The following VAV3 variants were observed in gnomAD, a reference collection of about 807,000 sequenced individuals.
VAV3 encodes the protein guanine nucleotide exchange factor VAV3.
In VAV3, 94 loss-of-function variants were observed where a neutral mutation model predicts 131.2. That is an observed-to-expected ratio of 0.72 (90% CI 0.61 to 0.85). The LOEUF (loss-of-function observed/expected upper bound fraction) is 0.85, where lower values mean the gene tolerates loss of function less well. Ranked by LOEUF, VAV3 falls within the 40% of genes least tolerant of loss-of-function variation. The pLI, the probability that VAV3 is intolerant of heterozygous loss-of-function variation, is 0.00. For missense variants in VAV3, 939 were observed against 1,002.7 expected (o/e 0.94, Z 0.86); for synonymous variants, 349 against 342.0 (o/e 1.02, Z -0.22).
In VAV3 at chr1:107,704,989, T is replaced by C. The variant is rs779555413; in HGVS notation, c.1575A>G (p.Thr525=). Residue 525 remains threonine (T), a synonymous_variant, in exon 16 of 27, where the codon ACA becomes ACG. Transcript: ENST00000370056. ...DFKMHTFTRV[T]SCKVCQMLLR... is the part of the protein sequence containing the mutation. ...GGAGCATCTGGCAGACTTTGCAGGA[T>C]GTGACTCGAGTGAAGGTATGCATCT... is the stretch of plus-strand genomic sequence containing the variant. 1 of 1,613,954 alleles carries C rather than the reference T, an allele frequency of 6.2e-7. No homozygotes were observed.
At chr1:107,895,438 A>C (rs939282666) in intron 1 of VAV3, among the ~76,000 whole-genome samples, 4 of 152,200 alleles carry the variant, frequency 2.6e-5, no homozygotes, top group Non-Finnish European at 4.4e-5. Context: ...ACTCTGTCAG[A>C]CACTATCCTA....
intron 10 of VAV3, among the ~76,000 whole-genome samples, chr1:107,757,547 C>T (rs570413653): frequency 6.6e-6 from 1 of 152,142 alleles, no homozygotes; most frequent in Non-Finnish European, 1.5e-5. Flanking sequence ...ATTTTCTTTT[C>T]AAAGATGAAT....
intron 2 of VAV3, among the ~76,000 whole-genome samples, chr1:107,872,664 T>C (rs940313997): frequency 1.3e-5 from 2 of 152,200 alleles, no homozygotes; most frequent in African/African-American, 4.8e-5. Flanking sequence ...ATTGATGCGC[T>C]GATTCCCTCA....
chr1:107,963,725 T>C (rs1223979056), intron 1 of VAV3: 2 of 151,594 alleles, frequency 1.3e-5, no homozygotes, highest in African/African-American at 4.9e-5. Context: ...CCTCTCCCTT[T>C]TAAGTTGAAA....
rs869175769 is a variant in VAV3 at position 107,757,187 on chromosome 1, G to GTGTA, written c.1086+73_1086+74insTACA. Reference sequence around the variant, plus strand: ...TGTGTGTGTGTGTGTGTGTGTGTGTGTATGCAATTTGAATTCCATTGTCTT... The same window carrying GTGTA: ...TGTGTGTGTGTGTGTGTGTGTGTGTGTGTATATGCAATTTGAATTCCATTGTCTT... On this transcript the variant is annotated intron_variant, in intron 11 of 26. Transcript: ENST00000370056. 6.6e-3 allele frequency: 5,364 copies of GTGTA among 812,892 alleles called. 12 individuals are homozygous for GTGTA. Among genetic ancestry groups the GTGTA allele is most frequent in the South Asian group, 0.015 (920 of 61,828 alleles). The allele number at this position is 812,892 out of a possible 1,614,324, so 50.4% of individuals were successfully genotyped here.
chr1:107,851,830 T>C (rs1413365328), intron 2 of VAV3, among the ~76,000 whole-genome samples: 1 of 152,232 alleles, frequency 6.6e-6, no homozygotes, highest in African/African-American at 2.4e-5. Flanking sequence ...CGATTCAGTA[T>C]AGCGCCTTGT....
intron 1 of VAV3, among the ~76,000 whole-genome samples, chr1:107,913,952 G>A (rs754900681): frequency 8.5e-5 from 13 of 152,126 alleles, no homozygotes; most frequent in East Asian, 1.9e-4. Context: ...CTGCCACCAC[G>A]CCCAGCTAAT....
intron 2 of VAV3, among the ~76,000 whole-genome samples, chr1:107,867,041 G>A (rs1316586793): frequency 6.6e-6 from 1 of 152,056 alleles, no homozygotes; most frequent in Non-Finnish European, 1.5e-5. Context: ...AAATTCTGGA[G>A]TAAACAAAAG....
At chr1:107,855,087 G>A (rs1383311217) in intron 2 of VAV3, among the ~76,000 whole-genome samples, 1 of 152,104 alleles carries the variant, frequency 6.6e-6, no homozygotes, top group Non-Finnish European at 1.5e-5. Flanking sequence ...TCTGGGAATG[G>A]TACACATTAC....
chr1:107,859,081 T>C (rs971001138), intron 2 of VAV3, among the ~76,000 whole-genome samples: 3 of 151,722 alleles, frequency 2.0e-5, no homozygotes, highest in South Asian at 2.1e-4. Context: ...GAGTTTTTTT[T>C]TTTTTTTCAT....
At chr1:107,640,091 G>A (rs1180026964) in intron 20 of VAV3, among the ~76,000 whole-genome samples, 1 of 152,058 alleles carries the variant, frequency 6.6e-6, no homozygotes, top group African/African-American at 2.4e-5. Flanking sequence ...ATCTACATAT[G>A]ATCTATATAT....
At chr1:107,807,838 C>T (rs1667131083) in intron 2 of VAV3, among the ~76,000 whole-genome samples, 2 of 152,110 alleles carry the variant, frequency 1.3e-5, no homozygotes, top group Non-Finnish European at 2.9e-5. Context: ...GCAGTGAAGG[C>T]AGCAATATGT....
intron 19 of VAV3, among the ~76,000 whole-genome samples, chr1:107,656,845 G>A (rs1656600492): frequency 2.0e-5 from 3 of 150,264 alleles, no homozygotes; most frequent in African/African-American, 7.3e-5. Context: ...TAGAAAAAGA[G>A]TAAACATTAC....
chr1:107,829,276 G>T (rs1668143927), intron 2 of VAV3, among the ~76,000 whole-genome samples: 1 of 152,124 alleles, frequency 6.6e-6, no homozygotes, highest in Non-Finnish European at 1.5e-5. Context: ...CTCACTGTAT[G>T]ATATTGTTAA....
At chr1:107,704,768 G>A (rs1660340921) in intron 16 of VAV3, 118 bp from the exon 17 acceptor site, 1 of 979,856 alleles carries the variant, frequency 1.0e-6, no homozygotes, top group African/African-American at 1.6e-5. Context: ...CCCCTTGGTA[G>A]AGGGAGACGA....
At chr1:107,951,272 C>T (rs1674519448) in intron 1 of VAV3, among the ~76,000 whole-genome samples, 1 of 152,158 alleles carries the variant, frequency 6.6e-6, no homozygotes, top group Non-Finnish European at 1.5e-5. Context: ...TCATCTCTCT[C>T]ACCCAGCTGC....
At chr1:107,695,810 G>C (rs1053848646) in intron 17 of VAV3, among the ~76,000 whole-genome samples, 2 of 152,144 alleles carry the variant, frequency 1.3e-5, no homozygotes, top group Admixed American at 1.3e-4. Flanking sequence ...TTAAATGAAA[G>C]AGAAAGGTCA....
intron 4 of VAV3, among the ~76,000 whole-genome samples, chr1:107,775,393 CCA>C (rs1411048796): frequency 1.3e-5 from 2 of 151,734 alleles, no homozygotes; most frequent in African/African-American, 4.8e-5. Flanking sequence ...ATCCTGGCTA[CCA>C]CAGTGAAACC....
At chr1:107,661,176 T>G (rs1656984350) in intron 19 of VAV3, among the ~76,000 whole-genome samples, 1 of 152,184 alleles carries the variant, frequency 6.6e-6, no homozygotes, top group Admixed American at 6.5e-5. Flanking sequence ...TTAACAAAAG[T>G]TTCTGCCCCA....
Sources: allele counts gnomAD v4.1 joint callset (sites outside exome capture counted in the v4.1 genomes callset), GRCh38; gene constraint gnomAD v4.1.1; transcripts MANE v1.5; gene names NCBI Gene and HGNC (gene_info 2026-07-23, HGNC 2026-07-21).